SKAP1: variants seen among roughly 807,000 people sequenced by gnomAD.
The protein encoded by SKAP1 is src kinase-associated phosphoprotein 1.
SKAP1 carries 44 observed loss-of-function variants against 58.5 expected under a neutral mutation model. The observed-to-expected ratio is 0.75, with a 90% CI of 0.59 to 0.97. The LOEUF is 0.97. Among genes scored for constraint, SKAP1 ranks in the 50% least tolerant of loss-of-function variants. The probability of loss-of-function intolerance (pLI) is 0.00; values close to 1 mark genes in which losing one functional copy is unlikely to be tolerated. For synonymous variants in SKAP1, 127 were observed against 149.7 expected, an observed-to-expected ratio of 0.85 and a Z score of 1.11; for missense variants, 390 against 435.2, an observed-to-expected ratio of 0.90 and a Z score of 0.92.
At chr17:48,159,251 A>T (rs1253131749) in intron 11 of SKAP1, among the ~76,000 whole-genome samples, 4 of 152,252 alleles carry the variant, frequency 2.6e-5, no homozygotes, top group Non-Finnish European at 5.9e-5. Flanking sequence ...GAACTTCTTT[A>T]GCAGTTTTGC....
chr17:48,351,344 T>C (rs1472520094), intron 3 of SKAP1, among the ~76,000 whole-genome samples: 1 of 152,214 alleles, frequency 6.6e-6, no homozygotes, highest in Non-Finnish European at 1.5e-5. Flanking sequence ...TTTGGATCTG[T>C]GTGGTTAGTT....
At chr17:48,419,513 C>T (rs1045141990) in intron 1 of SKAP1, among the ~76,000 whole-genome samples, 11 of 152,192 alleles carry the variant, frequency 7.2e-5, no homozygotes, top group African/African-American at 2.6e-4. Context: ...GAACTCCTGA[C>T]CTCAGGTGAT....
At chr17:48,375,644 C>T (rs1326995491) in intron 2 of SKAP1, among the ~76,000 whole-genome samples, 2 of 152,198 alleles carry the variant, frequency 1.3e-5, no homozygotes, top group Non-Finnish European at 2.9e-5. Context: ...ATACTTCCTC[C>T]ATGTAATAGG....
chr17:48,277,438 A>C (rs1349158819), intron 4 of SKAP1, among the ~76,000 whole-genome samples: 1 of 152,238 alleles, frequency 6.6e-6, no homozygotes, highest in Non-Finnish European at 1.5e-5. Context: ...TACACGATTA[A>C]TATATGGAGC....
At chr17:48,337,911 T>G (rs1039239119) in intron 4 of SKAP1, among the ~76,000 whole-genome samples, 1 of 152,158 alleles carries the variant, frequency 6.6e-6, no homozygotes, top group African/African-American at 2.4e-5. Context: ...GAGGTCACTC[T>G]CAGAGAGGTG....
chr17:48,408,117 ATAATT>A (rs2144572516), intron 1 of SKAP1, among the ~76,000 whole-genome samples: 1 of 152,336 alleles, frequency 6.6e-6, no homozygotes, highest in African/African-American at 2.4e-5. Context: ...ACTTTTATAT[ATAATT>A]TAAGTTTTGT....
chr17:48,405,397 CTTTCTTT>C (rs2067558540), intron 1 of SKAP1, among the ~76,000 whole-genome samples: 1 of 41,464 alleles, frequency 2.4e-5, no homozygotes, highest in Admixed American at 2.9e-4. Flanking sequence ...TCTTTCCTTT[CTTTCTTT>C]CTTTCTTTCT....
At chr17:48,423,743 G>A (rs997645751) in intron 1 of SKAP1, among the ~76,000 whole-genome samples, 1 of 152,156 alleles carries the variant, frequency 6.6e-6, no homozygotes, top group Non-Finnish European at 1.5e-5. Context: ...AACAAGTTAA[G>A]CAGGGAAAAC....
intron 2 of SKAP1, among the ~76,000 whole-genome samples, chr17:48,381,833 G>C (rs1358450984): frequency 2.6e-5 from 4 of 152,126 alleles, no homozygotes; most frequent in African/African-American, 9.7e-5. Flanking sequence ...TGGGACCTAT[G>C]TTGTGTTCAC....
intron 2 of SKAP1, among the ~76,000 whole-genome samples, chr17:48,387,828 A>T (rs955071685): frequency 3.3e-5 from 5 of 151,954 alleles, no homozygotes; most frequent in South Asian, 4.1e-4. Flanking sequence ...TCCTTTTTTT[A>T]AAAAAAATCA....
chr17:48,185,318 T>C (rs958058352), intron 6 of SKAP1: 5 of 152,982 alleles, frequency 3.3e-5, no homozygotes, highest in African/African-American at 9.7e-5. Context: ...GGGCTAAACT[T>C]CTCTTCCCCT....
chr17:48,356,776 T>C (rs9907699), intron 3 of SKAP1, among the ~76,000 whole-genome samples: 50,695 of 151,990 alleles, frequency 0.33, 9,149 homozygotes, highest in African/African-American at 0.47. Flanking sequence ...TACCAAAGAA[T>C]ATTCTCTCTT....
intron 10 of SKAP1, among the ~76,000 whole-genome samples, chr17:48,167,471 T>C (rs1322105495): frequency 2.6e-5 from 4 of 152,196 alleles, no homozygotes; most frequent in Non-Finnish European, 5.9e-5. Context: ...TGCAAACACC[T>C]CTGTGGTTTC....
chr17:48,414,861 A>G (rs1160579320), intron 1 of SKAP1, among the ~76,000 whole-genome samples: 1 of 152,230 alleles, frequency 6.6e-6, no homozygotes, highest in Non-Finnish European at 1.5e-5. Context: ...AAAGTTTCTT[A>G]CATTCTCCCA....
intron 4 of SKAP1, among the ~76,000 whole-genome samples, chr17:48,223,063 C>CAAAAA (rs71141973): frequency 2.6e-4 from 18 of 70,072 alleles, no homozygotes; most frequent in East Asian, 1.0e-3. Context: ...GACTCCGTCT[C>CAAAAA]AAAAAAAAAA....
At chr17:48,197,398 T>C (rs1417754709) in intron 4 of SKAP1, among the ~76,000 whole-genome samples, 1 of 151,902 alleles carries the variant, frequency 6.6e-6, no homozygotes, top group Non-Finnish European at 1.5e-5. Context: ...TTACTTACTC[T>C]TGAAGGAAGA....
chr17:48,250,980 T>G (rs1202165608), intron 4 of SKAP1, among the ~76,000 whole-genome samples: 5 of 152,228 alleles, frequency 3.3e-5, no homozygotes, highest in Non-Finnish European at 7.3e-5. Context: ...GAACTCGTGT[T>G]TTGTAATATT....
chr17:48,239,473 G>T (rs1160609170), intron 4 of SKAP1, among the ~76,000 whole-genome samples: 2 of 152,118 alleles, frequency 1.3e-5, no homozygotes, highest in Non-Finnish European at 2.9e-5. Context: ...TGGATGGTAG[G>T]GAAACCTCAG....
At chr17:48,257,149 A>G (rs2065432433) in intron 4 of SKAP1, among the ~76,000 whole-genome samples, 2 of 152,088 alleles carry the variant, frequency 1.3e-5, no homozygotes, top group African/African-American at 4.8e-5. Context: ...TGTATTTTAA[A>G]AGGTCTATCT....
Sources: gnomAD v4.1 joint callset for allele counts (sites outside exome capture counted in the v4.1 genomes callset) on GRCh38, gnomAD v4.1.1 for gene constraint, MANE v1.5 for transcripts, NCBI Gene and HGNC (gene_info 2026-07-23, HGNC 2026-07-21) for gene names.